Variants in CUBN observed in about 807,000 individuals in gnomAD.
The protein encoded by CUBN is 460 kDa receptor.
In CUBN, 282 loss-of-function variants were observed where a neutral mutation model predicts 405.3. The ratio of observed to expected loss-of-function variants is 0.70; its 90% CI spans 0.63 to 0.77. The LOEUF (loss-of-function observed/expected upper bound fraction) is 0.77, where lower values mean the gene tolerates loss of function less well. Among genes scored for constraint, CUBN ranks in the 30% least tolerant of loss-of-function variants. The pLI is 0.00. For missense variants in CUBN, 4,514 were observed against 4,475.2 expected, an observed-to-expected ratio of 1.01 and a Z score of -0.25; for synonymous variants, 1,684 against 1,617.0, an observed-to-expected ratio of 1.04 and a Z score of -0.99.
At chr10:16,874,223 G>T (rs888577361) in intron 58 of CUBN, 151 bp downstream of exon 58, 10 of 847,734 alleles carry the variant, frequency 1.2e-5, no homozygotes, top group Non-Finnish European at 1.9e-5. Context: ...TCATTTCCCA[G>T]GTTGAACTGT....
chr10:17,077,215 C>T (rs1835872091), intron 17 of CUBN, among the ~76,000 whole-genome samples: 1 of 152,088 alleles, frequency 6.6e-6, no homozygotes, highest in African/African-American at 2.4e-5. Flanking sequence ...GGTTTCAGGT[C>T]CCAGGATGTT....
rs116042044 is a variant in CUBN, at chr10:16,857,549, T to A, written c.9455-6106A>T. ...GAATCATTCTTTCCAACTTGGAAATTAAAAAAATAATTTACTAAGCAAAAT... is the reference window on the plus strand; with the variant it reads ...GAATCATTCTTTCCAACTTGGAAATAAAAAAAATAATTTACTAAGCAAAAT... On this transcript the variant is annotated intron_variant, in intron 59 of 66. Coordinates refer to ENST00000377833, the MANE Select transcript of CUBN (RefSeq NM_001081.4). Among the ~76,000 whole-genome samples the A allele has an allele frequency of 7.7e-3, 1,170 of 152,252 alleles. 11 individuals are homozygous for A. The highest frequency in any genetic ancestry group is 0.027 in the African/African-American group (1,116 of 41,544).
At chr10:16,883,112 G>A (rs1028801613) in intron 56 of CUBN, among the ~76,000 whole-genome samples, 2 of 151,960 alleles carry the variant, frequency 1.3e-5, no homozygotes, top group Admixed American at 6.6e-5. Flanking sequence ...AAGGAAGAAA[G>A]AAATGGGTTC....
chr10:17,057,289 A>G (rs1382992418), intron 22 of CUBN, among the ~76,000 whole-genome samples: 1 of 152,116 alleles, frequency 6.6e-6, no homozygotes, highest in Admixed American at 6.6e-5. Context: ...ATTTACACCC[A>G]CATGCAAATT....
chr10:17,075,220 A>T (rs2131852991), intron 17 of CUBN, among the ~76,000 whole-genome samples: 1 of 151,582 alleles, frequency 6.6e-6, no homozygotes, highest in African/African-American at 2.4e-5. Flanking sequence ...AATAGCTGAG[A>T]CTGCAAGGGC....
chr10:17,016,271 C>G (rs1402225711), intron 28 of CUBN, among the ~76,000 whole-genome samples: 2 of 152,178 alleles, frequency 1.3e-5, no homozygotes, highest in South Asian at 2.1e-4. Flanking sequence ...TTCTAGAGCA[C>G]AGGTCATTGG....
chr10:17,076,200 A>G (rs1395547410), intron 17 of CUBN, among the ~76,000 whole-genome samples: 3 of 152,268 alleles, frequency 2.0e-5, no homozygotes, highest in African/African-American at 7.2e-5. Flanking sequence ...AGGCAGCTGT[A>G]GTCCAAATGT....
intron 32 of CUBN, among the ~76,000 whole-genome samples, chr10:16,953,268 C>T (rs78435667): frequency 2.0e-3 from 306 of 152,274 alleles, no homozygotes; most frequent in African/African-American, 7.2e-3. Flanking sequence ...TGAATAATAA[C>T]ATGCAAAAGA....
intron 54 of CUBN, among the ~76,000 whole-genome samples, chr10:16,897,807 T>A (rs1355439024): frequency 6.6e-6 from 1 of 152,128 alleles, no homozygotes; most frequent in Non-Finnish European, 1.5e-5. Flanking sequence ...CCACGGCCAC[T>A]TATTTTTGGC....
chr10:17,066,898 G>A (rs905190108), intron 21 of CUBN, among the ~76,000 whole-genome samples: 7 of 151,970 alleles, frequency 4.6e-5, no homozygotes, highest in Non-Finnish European at 7.4e-5. Flanking sequence ...GGACAAAAAC[G>A]TATAAAACAA....
chr10:17,053,619 G>A (rs1014252015), intron 22 of CUBN, among the ~76,000 whole-genome samples: 3 of 152,022 alleles, frequency 2.0e-5, no homozygotes, highest in African/African-American at 7.2e-5. Context: ...ATAAAACCAT[G>A]ATTAGAGTTG....
intron 14 of CUBN, among the ~76,000 whole-genome samples, chr10:17,092,099 A>C (rs1836270752): frequency 6.6e-6 from 1 of 152,134 alleles, no homozygotes; most frequent in Non-Finnish European, 1.5e-5. Context: ...ATACGGAGAA[A>C]ACCCCTGACC....
intron 27 of CUBN, among the ~76,000 whole-genome samples, chr10:17,022,575 G>C (rs1834526936): frequency 6.6e-6 from 1 of 152,186 alleles, no homozygotes; most frequent in Non-Finnish European, 1.5e-5. Context: ...TTTCACCTTA[G>C]CGTTCAGTCC....
At chr10:17,033,652 C>A (rs1348737866) in intron 27 of CUBN, among the ~76,000 whole-genome samples, 1 of 152,180 alleles carries the variant, frequency 6.6e-6, no homozygotes, top group Non-Finnish European at 1.5e-5. Flanking sequence ...ATTTGTGAAA[C>A]ATCTACCAAC....
rs1350046032 is a variant in CUBN at position 16,901,354 on chromosome 10, T to C, written c.8168A>G (p.Gln2723Arg). 5 of 1,614,162 alleles carry C rather than the reference T, an allele frequency of 3.1e-6. No individual in the cohort carries two copies. In the Middle Eastern group the frequency reaches 8.2e-4, roughly 266 times the overall value. The change falls in exon 52 of 67, where the codon CAA (glutamine) becomes CGA (arginine). Residue 2723 changes from glutamine (Q) to arginine (R), a missense_variant. Physicochemically the swap from Gln to Arg is conservative, Grantham distance 43. Around this residue, in one of 5 missense-constraint regions of CUBN, gnomAD observed 1,186 missense variants for 1,186.9 expected, o/e 1.00. Transcript: ENST00000377833. ...THCSSLLEAP[Q>R]GHTITLTFSD... ...AGCACTCACAGTGATGGTGTGCCCT[T>C]GTGGGGCCTCCAACAGCGAAGAGCA...
chr10:17,048,162 T>G (rs1438447623), intron 22 of CUBN, among the ~76,000 whole-genome samples: 1 of 152,194 alleles, frequency 6.6e-6, no homozygotes, highest in East Asian at 1.9e-4. Context: ...ATCTCGCAAA[T>G]GAAGAGGATT....
At chr10:17,084,620 T>C (rs1413968088) in intron 16 of CUBN, among the ~76,000 whole-genome samples, 159 bp from the exon 17 acceptor site, 1 of 152,218 alleles carries the variant, frequency 6.6e-6, no homozygotes, top group African/African-American at 2.4e-5. Flanking sequence ...TTTTAAGATT[T>C]TCAGTTTGAT....
At chr10:16,899,629 A>C (rs745584144) in intron 53 of CUBN, among the ~76,000 whole-genome samples, 32 of 152,218 alleles carry the variant, frequency 2.1e-4, no homozygotes, top group South Asian at 1.0e-3. Context: ...AGTTGGGGAA[A>C]ATTCTTTTAT....
At chr10:17,036,914 G>A (rs1053625755) in intron 27 of CUBN, among the ~76,000 whole-genome samples, 1 of 152,178 alleles carries the variant, frequency 6.6e-6, no homozygotes, top group African/African-American at 2.4e-5. Context: ...GGGGTATGTG[G>A]TGTTATGGCT....
Sources: allele counts gnomAD v4.1 joint callset (sites outside exome capture counted in the v4.1 genomes callset), GRCh38; gene constraint gnomAD v4.1.1; regional missense constraint gnomAD v4.1.1; transcripts MANE v1.5; gene names NCBI Gene and HGNC (gene_info 2026-07-23, HGNC 2026-07-21).